Variants in DSC2 observed in about 807,000 individuals in gnomAD.
DSC2 encodes the protein desmocollin 2, also known as desmocollin-2.
A neutral mutation model predicts 87.6 loss-of-function variants in DSC2; 51 were observed. The ratio of observed to expected loss-of-function variants is 0.58; its 90% CI spans 0.46 to 0.74. The LOEUF is 0.74. Among genes scored for constraint, DSC2 ranks in the 30% least tolerant of loss-of-function variants. The pLI is 0.00. For synonymous variants in DSC2, 383 were observed against 393.2 expected (o/e 0.97, Z 0.31); for missense variants, 1,066 against 1,089.5 (o/e 0.98, Z 0.30).
Position 31,067,906 on chromosome 18 carries a change from G to T in DSC2, c.*109C>A. The T allele has an allele frequency of 2.1e-6, 2 of 971,028 alleles. No individual in the cohort carries two copies. Among genetic ancestry groups the T allele is most frequent in the Non-Finnish European group, 3.1e-6 (2 of 635,004 alleles). The allele number at this position is 971,028 out of a possible 1,614,324, so 60.2% of individuals were successfully genotyped here. On this transcript the variant is annotated 3_prime_UTR_variant, in exon 16 of 16. Transcript: ENST00000280904. ...ACCAAAGAGATTCCATCCAAATAAT[G>T]AGAGAAAAACCCCCACAAATAGCAT...
chr18:31,068,964 T>C lies in DSC2; in HGVS notation c.2438A>G (p.His813Arg). The change falls in exon 15 of 16, where the codon CAC (histidine) becomes CGC (arginine). Residue 813 changes from histidine (H) to arginine (R), a missense_variant. Physicochemically the swap from His to Arg is conservative, Grantham distance 29. Coordinates refer to ENST00000280904, the MANE Select transcript of DSC2 (RefSeq NM_024422.6). Reference sequence around the variant, plus strand: ...GTATCTGCAGTTGTCCACCTCCGTGTGTCCTCCCCTGCAGGAGTCCAGGGT... The same window carrying C: ...GTATCTGCAGTTGTCCACCTCCGTGCGTCCTCCCCTGCAGGAGTCCAGGGT... ...HHTLDSCRGG[H>R]TEVDNCRYTY... is the part of the protein sequence containing the mutation. 6.2e-7 allele frequency: 1 copy of C among 1,614,120 alleles called. No homozygotes were observed. The highest frequency in any genetic ancestry group is 2.2e-5 in the East Asian group (1 of 44,854).
chr18:31,068,859 T>A (rs1222135423), intron 15 of DSC2, 35 bp downstream of exon 15: 1 of 1,611,712 alleles, frequency 6.2e-7, no homozygotes, highest in African/African-American at 1.3e-5. Context: ...TAAAGAAAAT[T>A]AAAATAGATT....
At position 31,064,931 on chromosome 18, in the gene DSC2, T is replaced by G. The variant is rs1159014852; in HGVS notation, c.*3084A>C. The G allele has an allele frequency of 1.3e-5, 2 of 152,100 alleles. No homozygotes were observed. Among genetic ancestry groups the G allele is most frequent in the African/African-American group, 4.8e-5 (2 of 41,382 alleles). The allele number at this position is 152,100 out of a possible 1,614,324, so 9.4% of individuals were successfully genotyped here. ...TTGGGATCCAAGATAAAAACAGTCT[T>G]AAGATGGGAATAAAGAAAAAGTAAT... On this transcript the variant is annotated 3_prime_UTR_variant, in exon 16 of 16. Coordinates refer to ENST00000280904, the MANE Select transcript of DSC2 (RefSeq NM_024422.6).
At chr18:31,092,820 T>A (rs939545661) in intron 2 of DSC2, among the ~76,000 whole-genome samples, 2 of 152,084 alleles carry the variant, frequency 1.3e-5, no homozygotes, top group African/African-American at 4.8e-5. Context: ...TATTTAAGAA[T>A]AAAAATCCAA....
At chr18:31,083,188 C>A in intron 7 of DSC2, 128 bp from the exon 8 acceptor site, 1 of 1,057,668 alleles carries the variant, frequency 9.5e-7, no homozygotes, top group Non-Finnish European at 1.4e-6. Flanking sequence ...TCACAGCATT[C>A]GTGTATTAGA....
rs776618549 is a variant in DSC2, at chr18:31,067,978, T to C, written c.*37A>G. On this transcript the variant is annotated 3_prime_UTR_variant, in exon 16 of 16. Transcript: ENST00000280904. ...GGTTTGTAATTTTTTTTAAAAGTCA[T>C]AAAGCCACTGGCTTTCAGAGACTTA... 18 of 1,600,226 alleles carry C rather than the reference T, an allele frequency of 1.1e-5. No homozygotes were observed. Among genetic ancestry groups the C allele is most frequent in the Middle Eastern group, 3.3e-4 (2 of 6,052 alleles).
rs1057041121 is a variant in DSC2 at position 31,068,274 on chromosome 18, CAT to C, written c.2509-64_2509-63del. 7.4e-6 allele frequency: 12 copies of C among 1,612,774 alleles called. No individual in the cohort carries two copies. In the African/African-American group the frequency reaches 1.6e-4, roughly 22 times the overall value. ...TATTTTAAACACCAAAATTTACTAA[CAT>C]AAAAGTAATTGCTTTGATTTACCTT... On this transcript the variant is annotated intron_variant, in intron 15 of 15. Transcript: ENST00000280904.
intron 4 of DSC2, among the ~76,000 whole-genome samples, chr18:31,090,798 G>C (rs548499113): frequency 6.6e-6 from 1 of 152,168 alleles, no homozygotes; most frequent in Admixed American, 6.5e-5. Context: ...AATTCATTAA[G>C]GAACCATGTG....
chr18:31,080,387 C>T, intron 9 of DSC2, 35 bp from the exon 10 acceptor site: 1 of 1,611,020 alleles, frequency 6.2e-7, no homozygotes, highest in South Asian at 1.1e-5. Context: ...ATCAGATGAA[C>T]TCATTTAATA....
At position 31,068,406 on chromosome 18, in the gene DSC2, G is replaced by A. The variant is rs1029318529; in HGVS notation, c.2509-194C>T. The A allele has an allele frequency of 2.6e-6, 4 of 1,537,652 alleles. No homozygotes were observed. The African/African-American group carries it at 4.1e-5, about 16-fold the overall frequency. On this transcript the variant is annotated intron_variant, in intron 15 of 15. Coordinates refer to ENST00000280904, the MANE Select transcript of DSC2 (RefSeq NM_024422.6). ...TACATCACACTATAAATTCAGTATA[G>A]CATGTTTCTAAAAGTCACGCATGTG...
At chr18:31,089,736 T>C in intron 4 of DSC2, 142 bp from the exon 5 acceptor site, 2 of 835,116 alleles carry the variant, frequency 2.4e-6, no homozygotes, top group African/African-American at 1.7e-5. Flanking sequence ...AAAACAGCAA[T>C]AGAATAAGAA....
At position 31,092,103 on chromosome 18, in the gene DSC2, T is replaced by C; in HGVS notation, c.352A>G (p.Lys118Glu). 1 of 1,611,570 alleles carries C rather than the reference T, an allele frequency of 6.2e-7. No homozygotes were observed. The highest frequency in any genetic ancestry group is 8.5e-7 in the Non-Finnish European group (1 of 1,178,608). ...TTCATTTATGTAGCCTTGTATACCT[T>C]TGTTTGATGCTCCAAAAAGACAAAT... ...KIFVFLEHQT[K>E]VLKKRHTKEK... The change falls in exon 3 of 16, where the codon AAG (lysine) becomes GAG (glutamate). Residue 118 changes from lysine (K) to glutamate (E), a missense_variant and splice_region_variant. Physicochemically the swap from Lys to Glu is moderately conservative, Grantham distance 56. Transcript: ENST00000280904.
At chr18:31,084,416 T>G (rs906247879) in intron 7 of DSC2, among the ~76,000 whole-genome samples, 1 of 152,182 alleles carries the variant, frequency 6.6e-6, no homozygotes, top group Non-Finnish European at 1.5e-5. Context: ...AAATGAAGTT[T>G]GATACCCTAA....
chr18:31,083,364 T>C (rs528754523), intron 7 of DSC2, among the ~76,000 whole-genome samples: 8 of 152,258 alleles, frequency 5.3e-5, no homozygotes, highest in African/African-American at 1.9e-4. Context: ...CTAGGAATTT[T>C]TAATCAATTT....
rs148936015 is a variant in DSC2 at position 31,082,095 on chromosome 18, T to A, written c.1263+143A>T. On this transcript the variant is annotated intron_variant, in intron 9 of 15. Coordinates refer to ENST00000280904, the MANE Select transcript of DSC2 (RefSeq NM_024422.6). ...ATCAAAAACTAATATATTCTTTCCA[T>A]TGTATATGAAGAACAGAGCATTTGC... is the stretch of plus-strand genomic sequence containing the variant. 1.8e-3 allele frequency: 1,374 copies of A among 743,538 alleles called. 12 individuals are homozygous for A. The African/African-American group carries it at 0.021, about 12-fold the overall frequency. 46.1% of individuals were successfully genotyped at this position (743,538 alleles called of 1,614,324 possible). A position where few individuals can be genotyped will look rare whatever the true frequency, so the allele number is the denominator to read the frequency against.
chr18:31,077,456 G>A (rs1987061686), intron 11 of DSC2, among the ~76,000 whole-genome samples: 1 of 152,200 alleles, frequency 6.6e-6, no homozygotes, highest in South Asian at 2.1e-4. Context: ...TATAGTGCTT[G>A]CTCTTCTACA....
At chr18:31,097,146 G>C (rs1458415707) in intron 1 of DSC2, among the ~76,000 whole-genome samples, 1 of 151,938 alleles carries the variant, frequency 6.6e-6, no homozygotes, top group Non-Finnish European at 1.5e-5. Context: ...AAATTAGCCA[G>C]GCGTGGTGGC....
chr18:31,060,494 CCA>C lies in DSC2; in HGVS notation c.*7519_*7520del, dbSNP rs1220961330. 11 of 152,312 alleles carry C rather than the reference CCA, an allele frequency of 7.2e-5. No homozygotes were observed. Among genetic ancestry groups the C allele is most frequent in the East Asian group, 3.9e-4 (2 of 5,174 alleles). 9.4% of individuals were successfully genotyped at this position (152,312 alleles called of 1,614,324 possible). ...CAGGCCCCTCTGAAGCTCCTGGCCGCCACAGTCAGTGAGCATTACCTGTTACC... is the reference window on the plus strand; with the variant it reads ...CAGGCCCCTCTGAAGCTCCTGGCCGCCAGTCAGTGAGCATTACCTGTTACC... On this transcript the variant is annotated 3_prime_UTR_variant, in exon 16 of 16. Coordinates refer to ENST00000280904, the MANE Select transcript of DSC2 (RefSeq NM_024422.6).
rs1337707859 is a variant in DSC2 at position 31,062,045 on chromosome 18, CATT to C, written c.*5967_*5969del. On this transcript the variant is annotated 3_prime_UTR_variant, in exon 16 of 16. Coordinates refer to ENST00000280904, the MANE Select transcript of DSC2 (RefSeq NM_024422.6). ...CTCTTACGTGTTATCTTCCAAGTGA[CATT>C]ATCAGTTCACAGCACAATATAGGCA... 6.6e-6 allele frequency: 1 copy of C among 152,182 alleles called. No homozygotes were observed. Among genetic ancestry groups the C allele is most frequent in the African/African-American group, 2.4e-5 (1 of 41,452 alleles). 9.4% of individuals were successfully genotyped at this position (152,182 alleles called of 1,614,324 possible). A position where few individuals can be genotyped will look rare whatever the true frequency, so the allele number is the denominator to read the frequency against.
Sources: gnomAD v4.1 joint callset for allele counts (sites outside exome capture counted in the v4.1 genomes callset) on GRCh38, gnomAD v4.1.1 for gene constraint, MANE v1.5 for transcripts, NCBI Gene and HGNC (gene_info 2026-07-23, HGNC 2026-07-21) for gene names.